PRKN: variants seen among roughly 807,000 people sequenced by gnomAD.
The protein encoded by PRKN is parkin RBR E3 ubiquitin protein ligase.
In PRKN, 56 loss-of-function variants were observed where a neutral mutation model predicts 59.5. The ratio of observed to expected loss-of-function variants is 0.94; its 90% CI spans 0.76 to 1.18. PRKN has a LOEUF of 1.18. Ranked by LOEUF, PRKN falls within the 50% of genes most tolerant of loss-of-function variation. The pLI is 0.00. For synonymous variants in PRKN, 250 were observed against 222.1 expected (o/e 1.13, Z -1.12); for missense variants, 657 against 596.4 (o/e 1.10, Z -1.06).
chr6:161,867,737 T>TTTTATTTATTTA (rs1554236141), intron 6 of PRKN, among the ~76,000 whole-genome samples: 14 of 72,800 alleles, frequency 1.9e-4, no homozygotes, highest in East Asian at 7.1e-4. Context: ...GGGAAAAATC[T>TTTTATTTATTTA]TTCATTTATT....
chr6:161,873,801 T>C (rs1475462878), intron 6 of PRKN, among the ~76,000 whole-genome samples: 1 of 148,228 alleles, frequency 6.7e-6, no homozygotes, highest in African/African-American at 2.5e-5. Context: ...GCTTTCAAAA[T>C]TTCCTAGAGG....
chr6:162,095,600 A>AGATTG (rs1299860876), intron 4 of PRKN, among the ~76,000 whole-genome samples: 17 of 152,328 alleles, frequency 1.1e-4, no homozygotes, highest in African/African-American at 4.1e-4. Context: ...AGAATAACTC[A>AGATTG]CAATCCTGTG....
chr6:161,362,540 C>G lies in PRKN; in HGVS notation c.1168-2335G>C, dbSNP rs1482726928. Reference sequence around the variant, plus strand: ...AAGCCCGCCCTGAAGAGATAATTGACAGATATGTGCTGGTCTCAGGCTGGG... The same window carrying G: ...AAGCCCGCCCTGAAGAGATAATTGAGAGATATGTGCTGGTCTCAGGCTGGG... On this transcript the variant is annotated intron_variant, in intron 10 of 11. Coordinates refer to ENST00000366898, the MANE Select transcript of PRKN (RefSeq NM_004562.3). This position sits in a 1 kb window ranked among gnomAD's most constrained non-coding sequence, Gnocchi z 5.2. Among the ~76,000 whole-genome samples, 1 of 152,206 alleles carries G rather than the reference C, an allele frequency of 6.6e-6. No homozygotes were observed.
intron 3 of PRKN, among the ~76,000 whole-genome samples, chr6:162,257,866 G>A (rs1318673190): frequency 6.6e-6 from 1 of 152,084 alleles, no homozygotes; most frequent in Non-Finnish European, 1.5e-5. Flanking sequence ...GTCAGATCAT[G>A]TCACTCCATT....
intron 4 of PRKN, among the ~76,000 whole-genome samples, chr6:162,077,131 C>G (rs1009444718): frequency 1.3e-5 from 2 of 152,120 alleles, no homozygotes; most frequent in Admixed American, 1.3e-4. Context: ...AGGCTGGTGA[C>G]CCAACATCCA....
At chr6:162,057,653 G>T (rs964103179) in intron 4 of PRKN, among the ~76,000 whole-genome samples, 20 of 152,328 alleles carry the variant, frequency 1.3e-4, no homozygotes, top group African/African-American at 4.8e-4. Context: ...TTTTTAACGT[G>T]AGGACCTTTC....
At chr6:162,637,329 G>A (rs1431114124) in intron 1 of PRKN, among the ~76,000 whole-genome samples, 2 of 130,350 alleles carry the variant, frequency 1.5e-5, no homozygotes, top group African/African-American at 2.9e-5. Context: ...TCCACCATCA[G>A]ATTGAGATTT....
At chr6:162,512,014 G>C (rs760644449) in intron 1 of PRKN, among the ~76,000 whole-genome samples, 1 of 152,136 alleles carries the variant, frequency 6.6e-6, no homozygotes, top group Non-Finnish European at 1.5e-5. Context: ...CTGTGTTAGT[G>C]AAATAGCACA....
intron 5 of PRKN, among the ~76,000 whole-genome samples, chr6:161,991,756 T>C (rs1318610246): frequency 6.8e-6 from 1 of 146,134 alleles, no homozygotes; most frequent in Non-Finnish European, 1.5e-5. Flanking sequence ...GGCAGGAGAG[T>C]TGCTTGAACC....
chr6:162,638,549 C>CA (rs766408232), intron 1 of PRKN, among the ~76,000 whole-genome samples: 4 of 152,134 alleles, frequency 2.6e-5, no homozygotes, highest in Non-Finnish European at 5.9e-5. Flanking sequence ...CAATGGTCTT[C>CA]ATGTTAGCTT....
At chr6:162,264,467 A>G (rs757050782) in intron 2 of PRKN, among the ~76,000 whole-genome samples, 1 of 149,438 alleles carries the variant, frequency 6.7e-6, no homozygotes, top group Non-Finnish European at 1.5e-5. Flanking sequence ...ATGTCCCTCG[A>G]ACAGTGGTGC....
intron 6 of PRKN, among the ~76,000 whole-genome samples, chr6:161,880,942 C>T (rs1365827395): frequency 1.3e-5 from 2 of 152,194 alleles, no homozygotes; most frequent in African/African-American, 4.8e-5. Flanking sequence ...GATTAGTTAA[C>T]TCAAACAGTA....
rs185321064 is a variant in PRKN, at chr6:161,895,013, A to G, written c.734+78289T>C. Among the ~76,000 whole-genome samples, 3 of 152,326 alleles carry G rather than the reference A, an allele frequency of 2.0e-5. No individual in the cohort carries two copies. The East Asian group carries it at 5.8e-4, about 29-fold the overall frequency. ...TCTGACCTCACTCTGTTATAACAAT[A>G]TTTTATAGACCGCTTATTTGTTGCT... is the stretch of plus-strand genomic sequence containing the variant. On this transcript the variant is annotated intron_variant, in intron 6 of 11. Coordinates refer to ENST00000366898, the MANE Select transcript of PRKN (RefSeq NM_004562.3).
chr6:162,577,954 T>A (rs1046535679), intron 1 of PRKN, among the ~76,000 whole-genome samples: 1 of 152,184 alleles, frequency 6.6e-6, no homozygotes, highest in South Asian at 2.1e-4. Flanking sequence ...ATTTAAAAAA[T>A]TTTGAAAACT....
At chr6:161,973,776 C>T (rs779287447) in intron 5 of PRKN, among the ~76,000 whole-genome samples, 3 of 152,104 alleles carry the variant, frequency 2.0e-5, no homozygotes, top group East Asian at 1.9e-4. Flanking sequence ...GAAAGGGAGA[C>T]GTGAAGCCAT....
At chr6:161,939,380 T>C (rs1278551725) in intron 6 of PRKN, among the ~76,000 whole-genome samples, 3 of 126,040 alleles carry the variant, frequency 2.4e-5, no homozygotes, top group Non-Finnish European at 4.7e-5. Context: ...ATCGTTCCAC[T>C]GCACTCCAGG....
chr6:162,328,914 C>T (rs1783437181), intron 2 of PRKN, among the ~76,000 whole-genome samples: 1 of 152,148 alleles, frequency 6.6e-6, no homozygotes, highest in Admixed American at 6.5e-5. Context: ...CTCTTCTTCT[C>T]TAGTTCATTC....
intron 2 of PRKN, among the ~76,000 whole-genome samples, chr6:162,270,918 TG>T (rs1780352351): frequency 6.6e-6 from 1 of 152,004 alleles, no homozygotes; most frequent in African/African-American, 2.4e-5. Context: ...CAAGGCTCGC[TG>T]CTGCCTCGAA....
At chr6:161,752,658 A>T (rs563855141) in intron 7 of PRKN, among the ~76,000 whole-genome samples, 1 of 152,332 alleles carries the variant, frequency 6.6e-6, no homozygotes, top group South Asian at 2.1e-4. Context: ...ATGCCACTAT[A>T]TTCCAGCCTG....
Sources: gnomAD v4.1 joint callset for allele counts (sites outside exome capture counted in the v4.1 genomes callset) on GRCh38, gnomAD v4.1.1 for gene constraint, Gnocchi (gnomAD v3.1) non-coding constraint, MANE v1.5 for transcripts, NCBI Gene and HGNC (gene_info 2026-07-23, HGNC 2026-07-21) for gene names.